SGCG: variants seen among roughly 807,000 people sequenced by gnomAD.
The protein encoded by SGCG is gamma-sarcoglycan.
A neutral mutation model predicts 29.3 loss-of-function variants in SGCG; 26 were observed. That is an observed-to-expected ratio of 0.89 (90% CI 0.65 to 1.23). SGCG has a LOEUF of 1.23. SGCG is among the 50% of genes most tolerant of loss of function. The pLI is 0.00. For synonymous variants in SGCG, 145 were observed against 129.7 expected (o/e 1.12, Z -0.80); for missense variants, 353 against 356.0 (o/e 0.99, Z 0.07).
At chr13:23,243,665 A>G (rs1301999715) in intron 3 of SGCG, 2 of 152,154 alleles carry the variant, frequency 1.3e-5, no homozygotes, top group Non-Finnish European at 2.9e-5. Context: ...AGAATGGTGG[A>G]GAGAGCCTGG....
chr13:23,297,570 C>G (rs1178740371), intron 6 of SGCG, among the ~76,000 whole-genome samples: 1 of 152,222 alleles, frequency 6.6e-6, no homozygotes, highest in South Asian at 2.1e-4. Flanking sequence ...ACAGATTGCT[C>G]ATGCTATTGT....
the SGCG span, among the ~76,000 whole-genome samples, chr13:23,165,409 C>A: frequency 2.0e-5 from 3 of 151,766 alleles, no homozygotes; most frequent in African/African-American, 7.3e-5. Context: ...TTTTGAACTA[C>A]AAATGTTGGG....
chr13:23,234,070 C>T (rs913315891), intron 2 of SGCG, among the ~76,000 whole-genome samples: 3 of 152,238 alleles, frequency 2.0e-5, no homozygotes, highest in African/African-American at 7.2e-5. Context: ...TCTTTCATGA[C>T]TGTAAACTCC....
intron 4 of SGCG, among the ~76,000 whole-genome samples, chr13:23,252,258 C>T (rs1879995388): frequency 1.3e-5 from 2 of 152,116 alleles, no homozygotes; most frequent in African/African-American, 4.8e-5. Flanking sequence ...AATTTTTGCC[C>T]ATTTTTTCTC....
intron 5 of SGCG, among the ~76,000 whole-genome samples, chr13:23,293,830 TAAA>T (rs10579291): frequency 2.2e-3 from 317 of 143,096 alleles, no homozygotes; most frequent in Middle Eastern, 0.011. Flanking sequence ...GATTCCGTCT[TAAA>T]AAAAAAAAAA....
intron 6 of SGCG, among the ~76,000 whole-genome samples, chr13:23,308,068 C>T (rs80141816): frequency 0.061 from 9,334 of 152,234 alleles, 333 homozygotes; most frequent in South Asian, 0.098. Context: ...GAATGCTTCA[C>T]TGGTTAATCA....
intron 6 of SGCG, among the ~76,000 whole-genome samples, chr13:23,303,151 T>C (rs1882231504): frequency 6.6e-6 from 1 of 151,988 alleles, no homozygotes; most frequent in Non-Finnish European, 1.5e-5. Flanking sequence ...TCTACCCCAG[T>C]GTAATACATC....
intron 6 of SGCG, among the ~76,000 whole-genome samples, chr13:23,302,752 A>C (rs1227843081): frequency 6.6e-6 from 1 of 152,178 alleles, no homozygotes; most frequent in African/African-American, 2.4e-5. Flanking sequence ...AATGGTTGGA[A>C]CTTTTTAAAA....
At chr13:23,280,114 TTTCTTTTA>T (rs1881252572) in intron 5 of SGCG, among the ~76,000 whole-genome samples, 1 of 152,176 alleles carries the variant, frequency 6.6e-6, no homozygotes, top group Admixed American at 6.5e-5. Context: ...GTTTCCCAAG[TTTCTTTTA>T]TTCTCATCAC....
chr13:23,237,040 ATTACT>A (rs1879342040), intron 3 of SGCG, among the ~76,000 whole-genome samples: 1 of 152,196 alleles, frequency 6.6e-6, no homozygotes, highest in African/African-American at 2.4e-5. Context: ...CAGAAAAGAA[ATTACT>A]TTATGAATTT....
intron 4 of SGCG, among the ~76,000 whole-genome samples, chr13:23,263,268 A>G (rs1368486486): frequency 6.6e-6 from 1 of 152,062 alleles, no homozygotes; most frequent in African/African-American, 2.4e-5. Flanking sequence ...AGATTCAAAT[A>G]AGCTCGATTA....
the SGCG span, among the ~76,000 whole-genome samples, chr13:23,163,766 G>A: frequency 2.6e-5 from 4 of 152,000 alleles, no homozygotes; most frequent in African/African-American, 9.7e-5. Flanking sequence ...AATAAGAAAA[G>A]GGAAAATTTT....
chr13:23,230,376 G>T (rs915776582), intron 2 of SGCG, among the ~76,000 whole-genome samples: 2 of 152,182 alleles, frequency 1.3e-5, no homozygotes, highest in Non-Finnish European at 2.9e-5. Context: ...GCTTTGGGCA[G>T]TATGGCCATT....
rs139018234 is a variant in SGCG, at chr13:23,235,918, G to A, written c.297+1206G>A. Among the ~76,000 whole-genome samples, 537 of 152,278 alleles carry A rather than the reference G, an allele frequency of 3.5e-3. 3 individuals carry two copies. Among genetic ancestry groups the A allele is most frequent in the African/African-American group, 0.012 (503 of 41,552 alleles). On this transcript the variant is annotated intron_variant, in intron 3 of 7. Transcript: ENST00000218867. ...AAACACACTCCTGAACCAGACATTC[G>A]CCAAGCTCTGTTACCAATTGCAAAA...
At chr13:23,176,144 T>G (rs1193616278), upstream of SGCG, among the ~76,000 whole-genome samples, 1 of 152,212 alleles carries the variant, frequency 6.6e-6, no homozygotes, top group Non-Finnish European at 1.5e-5. Context: ...ACTGTTATAC[T>G]GACCTCTTCT....
intron 2 of SGCG, among the ~76,000 whole-genome samples, chr13:23,222,732 G>T (rs1447467318): frequency 1.3e-5 from 2 of 152,156 alleles, no homozygotes; most frequent in Non-Finnish European, 2.9e-5. Context: ...GGAAGCTGAG[G>T]CATAAGACTC....
chr13:23,204,852 T>C lies in SGCG; in HGVS notation c.195+963T>C, dbSNP rs570689277. Among the ~76,000 whole-genome samples, 12 of 152,028 alleles carry C rather than the reference T, an allele frequency of 7.9e-5. No homozygotes were observed. In the East Asian group the frequency reaches 2.3e-3, roughly 29 times the overall value. On this transcript the variant is annotated intron_variant, in intron 2 of 7. Coordinates refer to ENST00000218867, the MANE Select transcript of SGCG (RefSeq NM_000231.3). ...AAGTCATTCATTCTGAAACACCTTCTATTATTCTTCTTCTTCACTTTCTAT... is the reference window on the plus strand; with the variant it reads ...AAGTCATTCATTCTGAAACACCTTCCATTATTCTTCTTCTTCACTTTCTAT...
intron 4 of SGCG, among the ~76,000 whole-genome samples, chr13:23,276,719 G>A (rs920217779): frequency 2.0e-5 from 3 of 152,224 alleles, no homozygotes; most frequent in African/African-American, 7.2e-5. Flanking sequence ...ACAGGCGTAA[G>A]CCACCGCGCC....
At chr13:23,256,947 T>TCGC (rs1880207763) in intron 4 of SGCG, among the ~76,000 whole-genome samples, 1 of 152,168 alleles carries the variant, frequency 6.6e-6, no homozygotes. Flanking sequence ...CCCTGAGGAA[T>TCGC]CGCCACACTC....
Sources: allele counts gnomAD v4.1 joint callset (sites outside exome capture counted in the v4.1 genomes callset), GRCh38; gene constraint gnomAD v4.1.1; transcripts MANE v1.5; gene names NCBI Gene and HGNC (gene_info 2026-07-23, HGNC 2026-07-21).